KREMEN1: variants seen among roughly 807,000 people sequenced by gnomAD.
The protein encoded by KREMEN1 is kringle containing transmembrane protein 1, also known as kremen protein 1.
A neutral mutation model predicts 46.5 loss-of-function variants in KREMEN1; 30 were observed. The ratio of observed to expected loss-of-function variants is 0.65; its 90% CI spans 0.48 to 0.88. The LOEUF is 0.88. Among genes scored for constraint, KREMEN1 ranks in the 40% least tolerant of loss-of-function variants. The pLI is 0.00. For missense variants in KREMEN1, 533 were observed against 596.9 expected (o/e 0.89, Z 1.11); for synonymous variants, 214 against 230.6 (o/e 0.93, Z 0.65).
Position 29,143,667 on chromosome 22 carries a change from G to T in KREMEN1, c.*1555G>T. The T allele has an allele frequency of 4.9e-6, 4 of 817,322 alleles. No individual in the cohort carries two copies. The highest frequency in any genetic ancestry group is 5.9e-6 in the Non-Finnish European group (4 of 677,106). 50.6% of individuals were successfully genotyped at this position (817,322 alleles called of 1,614,324 possible). A position where few individuals can be genotyped will look rare whatever the true frequency, so the allele number is the denominator to read the frequency against. ...TGAGGCAGGAGAATGGCGTGAACCC[G>T]GGAGGCGGAGCTTGCAGTGAGCAGA... On this transcript the variant is annotated 3_prime_UTR_variant, in exon 9 of 9. Transcript: ENST00000400335.
rs115414501 is a variant in KREMEN1 at position 29,118,724 on chromosome 22, G to A, written c.353-2633G>A. Among the ~76,000 whole-genome samples the A allele has an allele frequency of 9.9e-3, 1,513 of 152,144 alleles. 23 individuals are homozygous for A. Among genetic ancestry groups the A allele is most frequent in the African/African-American group, 0.035 (1,439 of 41,506 alleles). ...AGATACCTTCATATTGGGAATTCAG[G>A]CTTCAATATATTAATTTTAGGGAGT... On this transcript the variant is annotated intron_variant, in intron 3 of 8. Transcript: ENST00000400335.
At chr22:29,122,794 C>G (rs143119236) in intron 4 of KREMEN1, among the ~76,000 whole-genome samples, 2 of 151,546 alleles carry the variant, frequency 1.3e-5, no homozygotes, top group African/African-American at 2.4e-5. Flanking sequence ...AAAAATTAGC[C>G]GGGCATGGTG....
At chr22:29,080,476 CA>C (rs134610) in intron 1 of KREMEN1, among the ~76,000 whole-genome samples, 110,978 of 152,058 alleles carry the variant, frequency 0.73, 40,906 homozygotes, top group Middle Eastern at 0.84. Context: ...TGTGCATGGC[CA>C]ATGCAGAGCT....
chr22:29,139,084 A>G (rs1488231469), intron 7 of KREMEN1, among the ~76,000 whole-genome samples: 1 of 152,188 alleles, frequency 6.6e-6, no homozygotes, highest in African/African-American at 2.4e-5. Context: ...AGAGCCCCAC[A>G]TGGAAACTCC....
chr22:29,140,619 A>G (rs1327236292), intron 8 of KREMEN1, among the ~76,000 whole-genome samples: 1 of 152,204 alleles, frequency 6.6e-6, no homozygotes, highest in Non-Finnish European at 1.5e-5. Context: ...GAGGATTGCA[A>G]CATTCCTGGC....
rs941891422 is a variant in KREMEN1 at position 29,125,329 on chromosome 22, G to A, written c.544G>A (p.Glu182Lys). ...GNNPDYWKYGEAASTECNSVC... is the reference protein window; with the variant it reads ...GNNPDYWKYGKAASTECNSVC... ...CAATCCTGATTACTGGAAGTACGGG[G>A]AGGCAGCCAGTACCGAATGCAACAG... Residue 182 changes from glutamate (E) to lysine (K), a missense_variant, in exon 5 of 9, where the codon GAG becomes AAG. Transcript: ENST00000400335. The A allele has an allele frequency of 5.0e-6, 8 of 1,614,186 alleles. No homozygotes were observed. Among genetic ancestry groups the A allele is most frequent in the South Asian group, 1.1e-5 (1 of 91,076 alleles).
chr22:29,131,696 A>G (rs1353220934), intron 5 of KREMEN1, among the ~76,000 whole-genome samples: 1 of 119,950 alleles, frequency 8.3e-6, no homozygotes, highest in Non-Finnish European at 1.7e-5. Context: ...ACATGTATAT[A>G]TGTGTATATA....
At chr22:29,088,764 C>T (rs2037766995) in intron 1 of KREMEN1, among the ~76,000 whole-genome samples, 1 of 152,280 alleles carries the variant, frequency 6.6e-6, no homozygotes, top group African/African-American at 2.4e-5. Context: ...TACTTGCACA[C>T]GTTCCAATTC....
rs2037523659 is a variant in KREMEN1, at chr22:29,073,997, C to T, written c.97+770C>T. Among the ~76,000 whole-genome samples, 1 of 152,238 alleles carries T rather than the reference C, an allele frequency of 6.6e-6. No individual in the cohort carries two copies. The highest frequency in any genetic ancestry group is 2.4e-5 in the African/African-American group (1 of 41,462). ...AGCCTCACTGCGACGCCCCCGCGTC[C>T]CCCAGTCCTCTCCTCCCGCCTACAC... On this transcript the variant is annotated intron_variant, in intron 1 of 8. Coordinates refer to ENST00000400335, the MANE Select transcript of KREMEN1 (RefSeq NM_001039570.3). This position sits in a 1 kb window ranked among gnomAD's most constrained non-coding sequence, Gnocchi z 4.4.
intron 5 of KREMEN1, among the ~76,000 whole-genome samples, chr22:29,129,597 T>C (rs1201857013): frequency 6.6e-6 from 1 of 152,148 alleles, no homozygotes. Context: ...CGCATGTGGG[T>C]CTCAGTCAGA....
intron 5 of KREMEN1, among the ~76,000 whole-genome samples, chr22:29,135,958 G>T (rs1337663442): frequency 6.6e-6 from 1 of 152,082 alleles, no homozygotes; most frequent in Non-Finnish European, 1.5e-5. Context: ...GCCTCACTCT[G>T]TTGCCCAGGC....
chr22:29,142,851 A>T lies in KREMEN1; in HGVS notation c.*739A>T. 1 of 985,512 alleles carries T rather than the reference A, an allele frequency of 1.0e-6. No individual in the cohort carries two copies. The highest frequency in any genetic ancestry group is 1.2e-6 in the Non-Finnish European group (1 of 829,966). 61.0% of individuals were successfully genotyped at this position (985,512 alleles called of 1,614,324 possible). On this transcript the variant is annotated 3_prime_UTR_variant, in exon 9 of 9. Transcript: ENST00000400335. Reference sequence around the variant, plus strand: ...AGGGAAAGCTTTAAGAGCTTTGGTCATATAAAACATCCATTCAGCTGGGCG... The same window carrying T: ...AGGGAAAGCTTTAAGAGCTTTGGTCTTATAAAACATCCATTCAGCTGGGCG...
chr22:29,167,468 C>T lies in KREMEN1; in HGVS notation c.*362C>T, dbSNP rs955029904. ...TGACATCCAGTTGCACCTTTCTCAC[C>T]TACTTTGGGACCTTTGGGGGTGAGT... On this transcript the variant is annotated 3_prime_UTR_variant, in exon 10 of 10. Transcript: ENST00000327813. 5 of 213,044 alleles carry T rather than the reference C, an allele frequency of 2.3e-5. No homozygotes were observed. In the Admixed American group the frequency reaches 2.8e-4, roughly 12 times the overall value. The allele number at this position is 213,044 out of a possible 1,614,324, so 13.2% of individuals were successfully genotyped here.
chr22:29,100,924 A>G (rs1352579035), intron 3 of KREMEN1, among the ~76,000 whole-genome samples: 1 of 152,212 alleles, frequency 6.6e-6, no homozygotes, highest in Non-Finnish European at 1.5e-5. Flanking sequence ...AAAGTAAAAC[A>G]TTTAAAAAAT....
chr22:29,125,392 G>A lies in KREMEN1; in HGVS notation c.607G>A (p.Asp203Asn), dbSNP rs775655154. ...FGDHTQPCGG[D>N]GRIILFDTLV... The stretch of plus-strand genomic sequence containing the variant: ...GGATCACACCCAACCCTGTGGTGGC[G>A]ATGGCAGGATCATCCTCTTTGATAG... The change falls in exon 5 of 9, where the codon GAT becomes AAT. Residue 203 changes from aspartate (D) to asparagine (N), a missense_variant. Transcript: ENST00000400335. 1.2e-5 allele frequency: 20 copies of A among 1,614,132 alleles called. No individual in the cohort carries two copies. The highest frequency in any genetic ancestry group is 2.2e-5 in the South Asian group (2 of 91,086).
chr22:29,131,560 A>ATATATG (rs1240832937), intron 5 of KREMEN1, among the ~76,000 whole-genome samples: 219 of 69,790 alleles, frequency 3.1e-3, no homozygotes, highest in African/African-American at 4.2e-3. Context: ...ATATATATAT[A>ATATATG]TGTGTGTGTG....
intron 3 of KREMEN1, among the ~76,000 whole-genome samples, chr22:29,114,063 CA>C (rs1207018885): frequency 6.6e-6 from 1 of 152,118 alleles, no homozygotes; most frequent in African/African-American, 2.4e-5. Context: ...CCACCCCCAC[CA>C]TTCTTATGTT....
At chr22:29,167,129 TG>T (rs2039059269) in exon 10 of KREMEN1, 1 of 1,543,470 alleles carries the variant, frequency 6.5e-7, no homozygotes. Context: ...CTAGGCTCCG[TG>T]GGCATATCTG....
chr22:29,155,259 G>A (rs1462361293), intron 9 of KREMEN1, among the ~76,000 whole-genome samples: 1 of 152,166 alleles, frequency 6.6e-6, no homozygotes, highest in African/African-American at 2.4e-5. Context: ...AGGAGGCCAG[G>A]GGCAGTTGCT....
Sources: allele counts gnomAD v4.1 joint callset (sites outside exome capture counted in the v4.1 genomes callset), GRCh38; gene constraint gnomAD v4.1.1; non-coding constraint Gnocchi (gnomAD v3.1); transcripts MANE v1.5; gene names NCBI Gene and HGNC (gene_info 2026-07-23, HGNC 2026-07-21).